HMCN1: variants seen among roughly 807,000 people sequenced by gnomAD.
HMCN1 encodes hemicentin-1.
A neutral mutation model predicts 625.9 loss-of-function variants in HMCN1; 321 were observed. The observed-to-expected ratio is 0.51, with a 90% CI of 0.47 to 0.56. The LOEUF (loss-of-function observed/expected upper bound fraction) is 0.56, where lower values mean the gene tolerates loss of function less well. Ranked by LOEUF, HMCN1 falls within the 20% of genes least tolerant of loss-of-function variation. The pLI is 0.00. For missense variants in HMCN1, 6,588 were observed against 6,887.3 expected (o/e 0.96, Z 1.54); for synonymous variants, 2,425 against 2,417.6 (o/e 1.00, Z -0.09).
In HMCN1 at chr1:185,970,332, TAGG is replaced by T. The variant is rs770242356; in HGVS notation, c.2213_2215del (p.Gly738del). On this transcript the variant is annotated splice_acceptor_variant and coding_sequence_variant, in exon 15 of 107. Transcript: ENST00000271588. LOFTEE classifies it high-confidence loss of function. ...TAATGTTCTCCCCTTTGTTTTGACT[TAGG>T]AGATCTTGAGTTGAGGCCCTCAACA... 3.7e-6 allele frequency: 6 copies of T among 1,612,776 alleles called. No individual in the cohort carries two copies. The East Asian group carries it at 1.3e-4, about 36-fold the overall frequency.
At chr1:185,769,373 A>G (rs1467694125) in intron 1 of HMCN1, among the ~76,000 whole-genome samples, 1 of 152,116 alleles carries the variant, frequency 6.6e-6, no homozygotes, top group Non-Finnish European at 1.5e-5. Context: ...GCTTAAGCCC[A>G]GGAGGTCAAG....
At chr1:186,033,938 C>T (rs1479875645) in intron 36 of HMCN1, among the ~76,000 whole-genome samples, 2 of 151,900 alleles carry the variant, frequency 1.3e-5, no homozygotes, top group Non-Finnish European at 2.9e-5. Flanking sequence ...AGTGAGTAGA[C>T]AGAATACTGG....
At chr1:186,052,372 G>A (rs757630718) in intron 42 of HMCN1, among the ~76,000 whole-genome samples, 11 of 152,022 alleles carry the variant, frequency 7.2e-5, no homozygotes, top group East Asian at 1.9e-4. Context: ...AGACTCCAGC[G>A]CCTTTGAGAA....
intron 1 of HMCN1, among the ~76,000 whole-genome samples, chr1:185,742,073 A>C (rs1383137908): frequency 3.3e-5 from 5 of 152,264 alleles, no homozygotes; most frequent in Non-Finnish European, 5.9e-5. Flanking sequence ...TATGAATACA[A>C]ATAAAAGTAA....
Position 186,086,477 on chromosome 1 carries a change from A to G in HMCN1, c.9046+70A>G, listed in dbSNP as rs1311787965. 2.0e-6 allele frequency: 3 copies of G among 1,480,554 alleles called. No homozygotes were observed. In the African/African-American group the frequency reaches 4.2e-5, roughly 21 times the overall value. 91.7% of individuals were successfully genotyped at this position (1,480,554 alleles called of 1,614,324 possible). ...TATTTTAATACAAACAGCATTTCAA[A>G]TTAGTGTATTTCCAAACTTTTGTCG... is the stretch of plus-strand genomic sequence containing the variant. On this transcript the variant is annotated intron_variant, in intron 58 of 106. Coordinates refer to ENST00000271588, the MANE Select transcript of HMCN1 (RefSeq NM_031935.3).
At chr1:185,812,259 A>G (rs1659569336) in intron 1 of HMCN1, among the ~76,000 whole-genome samples, 1 of 152,090 alleles carries the variant, frequency 6.6e-6, no homozygotes, top group Admixed American at 6.6e-5. Flanking sequence ...TTACTAAAAC[A>G]TTGATTTTAG....
chr1:185,865,973 A>G (rs558468540), intron 4 of HMCN1, 110 bp downstream of exon 4: 5 of 1,057,670 alleles, frequency 4.7e-6, no homozygotes, highest in East Asian at 5.0e-5. Context: ...ACCAAAAGGT[A>G]TAACTCCAAG....
chr1:185,798,134 A>G (rs573595895), intron 1 of HMCN1, among the ~76,000 whole-genome samples: 5 of 152,224 alleles, frequency 3.3e-5, no homozygotes, highest in African/African-American at 1.2e-4. Context: ...TCGTCTGGGA[A>G]AGACTTTACT....
intron 42 of HMCN1, among the ~76,000 whole-genome samples, 200 bp from the exon 43 acceptor site, chr1:186,052,752 A>G (rs759468962): frequency 2.0e-5 from 3 of 152,026 alleles, no homozygotes; most frequent in Admixed American, 2.0e-4. Context: ...TGAAAAATTT[A>G]TATCTGTTTA....
In HMCN1 at chr1:186,087,287, T is replaced by A; in HGVS notation, c.9117T>A (p.Asn3039Lys). 6.2e-7 allele frequency: 1 copy of A among 1,613,358 alleles called. No homozygotes were observed. The highest frequency in any genetic ancestry group is 8.5e-7 in the Non-Finnish European group (1 of 1,179,496). ...DGGEYTCIAINQAGESKKKFS... is the reference protein window; with the variant it reads ...DGGEYTCIAIKQAGESKKKFS... ...GTGAATACACTTGTATAGCTATCAA[T>A]CAAGCTGGCGAAAGCAAGAAAAAGT... Residue 3039 changes from asparagine to lysine, a missense_variant, in exon 59 of 107, where the codon AAT (asparagine) becomes AAA (lysine). Transcript: ENST00000271588.
chr1:185,905,006 T>G (rs777942265), intron 4 of HMCN1, among the ~76,000 whole-genome samples: 1 of 151,812 alleles, frequency 6.6e-6, no homozygotes, highest in Non-Finnish European at 1.5e-5. Flanking sequence ...AATTTTCCTT[T>G]GCATTTAAAA....
chr1:185,831,652 G>C (rs1391774765), intron 1 of HMCN1, among the ~76,000 whole-genome samples: 1 of 152,092 alleles, frequency 6.6e-6, no homozygotes, highest in East Asian at 1.9e-4. Flanking sequence ...AAATTCAGTA[G>C]AGTAGTGAAT....
intron 1 of HMCN1, among the ~76,000 whole-genome samples, chr1:185,744,818 A>T (rs893648660): frequency 6.6e-6 from 1 of 152,210 alleles, no homozygotes; most frequent in Non-Finnish European, 1.5e-5. Context: ...CCTGAAAGCT[A>T]TCAGGAGCCT....
intron 1 of HMCN1, among the ~76,000 whole-genome samples, chr1:185,739,256 T>C (rs1316066128): frequency 6.6e-6 from 1 of 152,238 alleles, no homozygotes; most frequent in Non-Finnish European, 1.5e-5. Context: ...AATTTCTTTG[T>C]CTAGTCCATC....
rs191929591 is a variant in HMCN1 at position 185,788,452 on chromosome 1, C to A, written c.268+53405C>A. Among the ~76,000 whole-genome samples the A allele has an allele frequency of 2.0e-4, 30 of 152,270 alleles. 1 individual carries two copies. In the East Asian group the frequency reaches 5.6e-3, roughly 28 times the overall value. ...TGGAACTTGAAATGGAAAAGATGTA[C>A]TGTTGACAGATAAATGCAGAGATCA... On this transcript the variant is annotated intron_variant, in intron 1 of 106. Coordinates refer to ENST00000271588, the MANE Select transcript of HMCN1 (RefSeq NM_031935.3).
chr1:186,137,481 C>T lies in HMCN1; in HGVS notation c.13583-17C>T, dbSNP rs1333816373. On this transcript the variant is annotated splice_polypyrimidine_tract_variant and intron_variant, in intron 87 of 106. Transcript: ENST00000271588. ...TATTTGCAAAAGCTTAGACAAAGTA[C>T]AATGTTTTATTTGCAGTTCATGGTG... 6.2e-7 allele frequency: 1 copy of T among 1,611,484 alleles called. No individual in the cohort carries two copies. The highest frequency in any genetic ancestry group is 1.3e-5 in the African/African-American group (1 of 74,968).
intron 48 of HMCN1, 77 bp downstream of exon 48, chr1:186,062,677 A>AT (rs1657785499): frequency 3.2e-6 from 3 of 936,532 alleles, no homozygotes; most frequent in African/African-American, 1.6e-5. Flanking sequence ...TATCTTAAAA[A>AT]TTTTTTATAT....
At chr1:186,091,696 T>A (rs1659852104) in intron 64 of HMCN1, among the ~76,000 whole-genome samples, 1 of 152,008 alleles carries the variant, frequency 6.6e-6, no homozygotes, top group Non-Finnish European at 1.5e-5. Context: ...GATTACTTCA[T>A]CACAAAATCC....
chr1:185,956,288 G>A (rs1649627665), intron 11 of HMCN1, among the ~76,000 whole-genome samples: 1 of 152,004 alleles, frequency 6.6e-6, no homozygotes, highest in South Asian at 2.1e-4. Flanking sequence ...AGATCCCACA[G>A]ATTGAAGGCT....
Sources: allele counts gnomAD v4.1 joint callset (sites outside exome capture counted in the v4.1 genomes callset), GRCh38; gene constraint gnomAD v4.1.1; transcripts MANE v1.5; gene names NCBI Gene and HGNC (gene_info 2026-07-23, HGNC 2026-07-21).